MYO1E: variants seen among roughly 807,000 people sequenced by gnomAD.
MYO1E encodes myosin IE.
A neutral mutation model predicts 151.1 loss-of-function variants in MYO1E; 68 were observed. The ratio of observed to expected loss-of-function variants is 0.45; its 90% CI spans 0.37 to 0.55. MYO1E has a LOEUF of 0.55. Ranked by LOEUF, MYO1E falls within the 20% of genes least tolerant of loss-of-function variation. MYO1E has a pLI of 0.00. For missense variants in MYO1E, 1,363 were observed against 1,389.3 expected (o/e 0.98, Z 0.30); for synonymous variants, 601 against 501.7 (o/e 1.20, Z -2.64).
intron 18 of MYO1E, among the ~76,000 whole-genome samples, chr15:59,179,061 T>A (rs1200586125): frequency 1.3e-5 from 2 of 152,230 alleles, no homozygotes; most frequent in South Asian, 2.1e-4. Context: ...GCCTCGCCTC[T>A]TCATTCTCAC....
rs58579379 is a variant in MYO1E, at chr15:59,236,347, A to T, written c.420+238T>A. Among the ~76,000 whole-genome samples, 33,663 of 63,088 alleles carry T rather than the reference A, an allele frequency of 0.53. 4,902 individuals carry two copies. The highest frequency in any genetic ancestry group is 0.56 in the African/African-American group (12,076 of 21,444). The allele number at this position is 63,088 out of a possible 152,430, so 41.4% of individuals were successfully genotyped here. A position where few individuals can be genotyped will look rare whatever the true frequency, so the allele number is the denominator to read the frequency against. On this transcript the variant is annotated intron_variant, in intron 5 of 27. Transcript: ENST00000288235. ...GGCAACAGAGCAAGACTCTGTCTCA[A>T]AAAAGAAAAAAAAAAAATATATACA... is the stretch of plus-strand genomic sequence containing the variant.
chr15:59,171,639 G>A (rs569589822), intron 22 of MYO1E, among the ~76,000 whole-genome samples: 2 of 152,122 alleles, frequency 1.3e-5, no homozygotes, highest in African/African-American at 4.8e-5. Context: ...AACACGTTTC[G>A]GTTACAAGAG....
rs1246477717 is a variant in MYO1E, at chr15:59,132,553, C to T, written c.*4827G>A. 3.3e-5 allele frequency: 5 copies of T among 152,132 alleles called. No individual in the cohort carries two copies. The highest frequency in any genetic ancestry group is 7.3e-5 in the Non-Finnish European group (5 of 68,038). 9.4% of individuals were successfully genotyped at this position (152,132 alleles called of 1,614,324 possible). ...CTTTCTTAGATGGCACAGCAGGCAC[C>T]CCAAACTAAAATGTCATAAATGGGA... On this transcript the variant is annotated 3_prime_UTR_variant, in exon 28 of 28. Transcript: ENST00000288235.
intron 1 of MYO1E, among the ~76,000 whole-genome samples, chr15:59,317,901 TG>T (rs2080599393): frequency 6.6e-6 from 1 of 152,088 alleles, no homozygotes; most frequent in Non-Finnish European, 1.5e-5. Flanking sequence ...GCACAATTAT[TG>T]TCACTTCCAT....
chr15:59,177,218 A>G (rs1485350937), intron 19 of MYO1E, among the ~76,000 whole-genome samples: 1 of 152,226 alleles, frequency 6.6e-6, no homozygotes, highest in Non-Finnish European at 1.5e-5. Flanking sequence ...GAAGCTACAA[A>G]TAACTCAAAG....
In MYO1E at chr15:59,308,362, C is replaced by T. The variant is rs150654670; in HGVS notation, c.4-35913G>A. On this transcript the variant is annotated intron_variant, in intron 1 of 27. Transcript: ENST00000288235. ...ACCAGCATGGCCAACATGGTGAAAC[C>T]TCATCTCTACTAAAAATACAAACAT... Among the ~76,000 whole-genome samples the T allele has an allele frequency of 9.2e-3, 1,398 of 151,176 alleles. 19 individuals carry two copies. The highest frequency in any genetic ancestry group is 0.032 in the African/African-American group (1,308 of 41,174).
In MYO1E at chr15:59,159,101, TATAAAG is replaced by T. The variant is rs1282189241; in HGVS notation, c.2786-728_2786-723del. On this transcript the variant is annotated intron_variant, in intron 24 of 27. Transcript: ENST00000288235. The surrounding 1 kb of genome is among the most constrained non-coding windows in gnomAD (Gnocchi z 4.4). ...GAAGAGGGGTGCAGAGGGAATTTCT[TATAAAG>T]AGAAGAGCTGAAGAATAGAGAAGGG... is the stretch of plus-strand genomic sequence containing the variant. Among the ~76,000 whole-genome samples the T allele has an allele frequency of 6.6e-6, 1 of 152,160 alleles. No individual in the cohort carries two copies. The highest frequency in any genetic ancestry group is 1.5e-5 in the Non-Finnish European group (1 of 68,020).
At chr15:59,147,937 T>A (rs1412748821) in intron 26 of MYO1E, among the ~76,000 whole-genome samples, 2 of 152,144 alleles carry the variant, frequency 1.3e-5, no homozygotes, top group African/African-American at 4.8e-5. Flanking sequence ...AGGCCAGAGA[T>A]TTGAGTTCTT....
intron 1 of MYO1E, among the ~76,000 whole-genome samples, chr15:59,357,170 T>C (rs939517293): frequency 1.3e-5 from 2 of 151,938 alleles, no homozygotes; most frequent in African/African-American, 4.8e-5. Flanking sequence ...CCTCTCAAAG[T>C]GCTGGGATTA....
chr15:59,325,307 T>C (rs963764686), intron 1 of MYO1E, among the ~76,000 whole-genome samples: 2 of 152,202 alleles, frequency 1.3e-5, no homozygotes, highest in Non-Finnish European at 2.9e-5. Context: ...AGTGCTGTGA[T>C]TACAGGTGTG....
intron 1 of MYO1E, among the ~76,000 whole-genome samples, chr15:59,357,364 A>G (rs1304509991): frequency 6.6e-6 from 1 of 152,052 alleles, no homozygotes; most frequent in African/African-American, 2.4e-5. Flanking sequence ...GACAAAATGC[A>G]CATTAGCAAT....
chr15:59,171,830 T>C, intron 22 of MYO1E, 67 bp downstream of exon 22: 1 of 1,607,950 alleles, frequency 6.2e-7, no homozygotes, highest in Non-Finnish European at 8.5e-7. Flanking sequence ...TCCTGGCTGT[T>C]TGGAACAGCG....
rs1029237323 is a variant in MYO1E, at chr15:59,156,357, G to T, written c.2878+1930C>A. Among the ~76,000 whole-genome samples the T allele has an allele frequency of 3.9e-5, 6 of 152,066 alleles. No homozygotes were observed. The East Asian group carries it at 1.2e-3, about 29-fold the overall frequency. ...GCACCACCATGCCTGGCTAATTTTT[G>T]TATTTTTAGTAGAGACAGGGTTTTG... is the stretch of plus-strand genomic sequence containing the variant. On this transcript the variant is annotated intron_variant, in intron 25 of 27. Coordinates refer to ENST00000288235, the MANE Select transcript of MYO1E (RefSeq NM_004998.4).
chr15:59,365,445 CACT>C (rs2080907695), intron 1 of MYO1E, among the ~76,000 whole-genome samples: 1 of 152,118 alleles, frequency 6.6e-6, no homozygotes, highest in Non-Finnish European at 1.5e-5. Context: ...TTATTCCCAC[CACT>C]GTTTGGTAAG....
intron 1 of MYO1E, among the ~76,000 whole-genome samples, chr15:59,358,517 C>A (rs2080867437): frequency 6.6e-6 from 1 of 152,076 alleles, no homozygotes; most frequent in African/African-American, 2.4e-5. Flanking sequence ...AAAAGGCCAT[C>A]CCAGTTTTTC....
intron 1 of MYO1E, among the ~76,000 whole-genome samples, chr15:59,285,648 T>C (rs7182627): frequency 0.78 from 118,491 of 151,868 alleles, 46,741 homozygotes; most frequent in Middle Eastern, 0.84. Flanking sequence ...CACGCCCGAC[T>C]AGACACTGTC....
chr15:59,328,011 C>A (rs1292075826), intron 1 of MYO1E, among the ~76,000 whole-genome samples: 1 of 152,200 alleles, frequency 6.6e-6, no homozygotes, highest in Non-Finnish European at 1.5e-5. Flanking sequence ...GTGGGCCCAA[C>A]AGCCTGGGCA....
chr15:59,356,319 G>A (rs938621906), intron 1 of MYO1E, among the ~76,000 whole-genome samples: 3 of 152,124 alleles, frequency 2.0e-5, no homozygotes, highest in Admixed American at 6.6e-5. Context: ...AACGGAGTGG[G>A]GAGTGACACA....
chr15:59,250,511 A>T (rs148578717), intron 4 of MYO1E, among the ~76,000 whole-genome samples: 1 of 151,968 alleles, frequency 6.6e-6, no homozygotes, highest in South Asian at 2.1e-4. Flanking sequence ...CTCGCCCTCA[A>T]CCTCTTTTGT....
Sources: allele counts gnomAD v4.1 joint callset (sites outside exome capture counted in the v4.1 genomes callset), GRCh38; gene constraint gnomAD v4.1.1; non-coding constraint Gnocchi (gnomAD v3.1); transcripts MANE v1.5; gene names NCBI Gene and HGNC (gene_info 2026-07-23, HGNC 2026-07-21).